Variants in CECR2 observed in about 807,000 individuals in gnomAD.
The protein encoded by CECR2 is chromatin remodeling regulator CECR2.
CECR2 carries 30 observed loss-of-function variants against 154.5 expected under a neutral mutation model. That is an observed-to-expected ratio of 0.19 (90% CI 0.15 to 0.26). CECR2 has a LOEUF of 0.26. Among genes scored for constraint, CECR2 ranks in the 10% least tolerant of loss-of-function variants. CECR2 has a pLI of 1.00. For synonymous variants in CECR2, 725 were observed against 683.7 expected, an observed-to-expected ratio of 1.06 and a Z score of -0.94; for missense variants, 1,743 against 1,829.3, an observed-to-expected ratio of 0.95 and a Z score of 0.86.
intron 2 of CECR2, among the ~76,000 whole-genome samples, chr22:17,485,538 G>GTGA: frequency 6.6e-6 from 1 of 152,184 alleles, no homozygotes; most frequent in Non-Finnish European, 1.5e-5. Context: ...GGAGGCCGAG[G>GTGA]CAGGCCGCTC....
chr22:17,553,071 G>A lies in CECR2; in HGVS notation c.*231G>A, dbSNP rs1035069843. 31 of 953,560 alleles carry A rather than the reference G, an allele frequency of 3.3e-5. No individual in the cohort carries two copies. In the East Asian group the frequency reaches 8.0e-4, roughly 25 times the overall value. The allele number at this position is 953,560 out of a possible 1,614,324, so 59.1% of individuals were successfully genotyped here. On this transcript the variant is annotated 3_prime_UTR_variant, in exon 19 of 19. Transcript: ENST00000262608. ...TCGGCCAGGGATCTCTTGCACAGCT[G>A]ATGTAGACAGTCAGGCAAAACTAAT...
intron 10 of CECR2, 60 bp from the exon 11 acceptor site, chr22:17,538,460 G>A (rs1306829396): frequency 1.4e-6 from 2 of 1,474,720 alleles, no homozygotes; most frequent in Non-Finnish European, 1.9e-6. Context: ...ATAGACCTGA[G>A]AGAGCTCAGG....
chr22:17,361,316 A>G (rs1458902169), intron 1 of CECR2, among the ~76,000 whole-genome samples: 2 of 152,278 alleles, frequency 1.3e-5, no homozygotes, highest in South Asian at 4.1e-4. Context: ...GCAAAACCCC[A>G]TCTCTGCTAA....
In CECR2 at chr22:17,526,862, T is replaced by C. The variant is rs116761222; in HGVS notation, c.1108+2591T>C. On this transcript the variant is annotated intron_variant, in intron 9 of 18. Coordinates refer to ENST00000262608, the MANE Select transcript of CECR2 (RefSeq NM_001290047.2). Reference sequence around the variant, plus strand: ...TATCTAAGACCTCAAATTATGAAACTCTACAAGAAAAAACGTTGGAGAAAC... The same window carrying C: ...TATCTAAGACCTCAAATTATGAAACCCTACAAGAAAAAACGTTGGAGAAAC... Among the ~76,000 whole-genome samples the C allele has an allele frequency of 2.5e-3, 347 of 138,734 alleles. 1 individual carries two copies. The highest frequency in any genetic ancestry group is 8.0e-3 in the African/African-American group (305 of 37,910). 91.0% of individuals were successfully genotyped at this position (138,734 alleles called of 152,430 possible).
intron 1 of CECR2, among the ~76,000 whole-genome samples, chr22:17,452,673 A>T (rs1601383415): frequency 6.6e-6 from 1 of 152,270 alleles, no homozygotes; most frequent in East Asian, 1.9e-4. Flanking sequence ...TGATATCTGT[A>T]TTCGGGTTTT....
chr22:17,382,423 C>T (rs1179397587), intron 1 of CECR2, among the ~76,000 whole-genome samples: 1 of 152,148 alleles, frequency 6.6e-6, no homozygotes, highest in Non-Finnish European at 1.5e-5. Context: ...GTTTTAGCTA[C>T]AGGCACACCT....
At chr22:17,526,808 CAA>C (rs34800488) in intron 9 of CECR2, among the ~76,000 whole-genome samples, 13,085 of 70,800 alleles carry the variant, frequency 0.18, 547 homozygotes, top group Non-Finnish European at 0.24. Flanking sequence ...GACTCCATCT[CAA>C]AAAAAAAAAA....
intron 1 of CECR2, among the ~76,000 whole-genome samples, chr22:17,372,412 T>C (rs967829991): frequency 2.6e-5 from 4 of 152,204 alleles, no homozygotes; most frequent in African/African-American, 9.6e-5. Flanking sequence ...ACCCCTGTAA[T>C]CCCAGCACTT....
At position 17,538,647 on chromosome 22, in the gene CECR2, C is replaced by T. The variant is rs374304753; in HGVS notation, c.1284C>T (p.Asp428=). 43 of 1,613,820 alleles carry T rather than the reference C, an allele frequency of 2.7e-5. No individual in the cohort carries two copies. The highest frequency in any genetic ancestry group is 1.7e-4 in the African/African-American group (13 of 74,940). The change falls in exon 12 of 19, where the codon GAC becomes GAT. Residue 428 remains aspartate (D), a synonymous_variant. Transcript: ENST00000262608. ...CTCTTCTCTGGCTTTCAGTTCTAGA[C>T]GTGGTAAAGGCTCACAAGGATTCCT... ...DDFTAMYKVL[D]VVKAHKDSWP...
In CECR2 at chr22:17,500,526, A is replaced by G. The variant is rs2055718273; in HGVS notation, c.546-105A>G. The G allele has an allele frequency of 4.9e-6, 4 of 822,782 alleles. No homozygotes were observed. In the South Asian group the frequency reaches 5.9e-5, roughly 12 times the overall value. 51.0% of individuals were successfully genotyped at this position (822,782 alleles called of 1,614,324 possible). A position where few individuals can be genotyped will look rare whatever the true frequency, so the allele number is the denominator to read the frequency against. On this transcript the variant is annotated intron_variant, in intron 4 of 18. Coordinates refer to ENST00000262608, the MANE Select transcript of CECR2 (RefSeq NM_001290047.2). ...TGTTCCCTTTTCCTTTCACTGCTAC[A>G]TTTAATCCTTTTTGGTAATCTCATG...
At chr22:17,465,089 T>C (rs919764328) in intron 1 of CECR2, among the ~76,000 whole-genome samples, 31 of 150,550 alleles carry the variant, frequency 2.1e-4, no homozygotes, top group Admixed American at 1.8e-3. Flanking sequence ...CCCCGCCTCC[T>C]GGGTTCACGC....
At chr22:17,399,207 G>C (rs1398018170) in intron 1 of CECR2, among the ~76,000 whole-genome samples, 1 of 152,154 alleles carries the variant, frequency 6.6e-6, no homozygotes. Context: ...GACGCCAGAT[G>C]CCCATCCTGG....
chr22:17,517,610 C>T (rs2056081788), intron 8 of CECR2, among the ~76,000 whole-genome samples: 1 of 152,114 alleles, frequency 6.6e-6, no homozygotes, highest in Non-Finnish European at 1.5e-5. Context: ...TTCTAATGGC[C>T]GGTTAAATAC....
rs142394108 is a variant in CECR2, at chr22:17,447,178, G to T, written c.127-30410G>T. On this transcript the variant is annotated intron_variant, in intron 1 of 18. Transcript: ENST00000262608. Reference sequence around the variant, plus strand: ...GCCTCCCGAGTAGCTGGGACTACAGGTGCTGGCCACCATGCCCGGCTAATT... The same window carrying T: ...GCCTCCCGAGTAGCTGGGACTACAGTTGCTGGCCACCATGCCCGGCTAATT... Among the ~76,000 whole-genome samples, 757 of 151,660 alleles carry T rather than the reference G, an allele frequency of 5.0e-3. 6 individuals carry two copies. Among genetic ancestry groups the T allele is most frequent in the African/African-American group, 0.018 (724 of 41,274 alleles).
intron 1 of CECR2, chr22:17,419,601 T>C (rs2054213902): frequency 3.2e-6 from 1 of 311,888 alleles, no homozygotes; most frequent in Non-Finnish European, 6.3e-6. Flanking sequence ...GTTTCTCCAC[T>C]GGAGGTGGGA....
chr22:17,538,999 A>G lies in CECR2; in HGVS notation c.1375A>G (p.Met459Val), dbSNP rs781006457. ...PNYYQIIKAP[M>V]DISSMEKKLN... ...AGTTATGTGTCTCGTTTAGGCCCCC[A>G]TGGATATTTCCAGCATGGAGAAGAA... The change falls in exon 13 of 19, where the codon ATG (methionine) becomes GTG (valine). Residue 459 changes from methionine (M) to valine (V), a missense_variant. Physicochemically the swap from Met to Val is conservative, Grantham distance 21. This residue lies in a region of CECR2 where 103 missense variants were observed against 166.8 expected (regional missense o/e 0.62). Transcript: ENST00000262608. 4 of 1,613,476 alleles carry G rather than the reference A, an allele frequency of 2.5e-6. No homozygotes were observed. The highest frequency in any genetic ancestry group is 3.4e-6 in the Non-Finnish European group (4 of 1,179,694).
intron 7 of CECR2, among the ~76,000 whole-genome samples, chr22:17,506,428 C>T (rs2055846473): frequency 1.3e-5 from 2 of 152,122 alleles, no homozygotes; most frequent in Non-Finnish European, 2.9e-5. Flanking sequence ...CACCTGGCCC[C>T]CTCTCTACTT....
chr22:17,441,758 A>C (rs5746382), intron 1 of CECR2, among the ~76,000 whole-genome samples: 45,238 of 152,140 alleles, frequency 0.3, 9,766 homozygotes, highest in African/African-American at 0.58. Context: ...TTACATGGAA[A>C]CAAGATTAAG....
intron 8 of CECR2, among the ~76,000 whole-genome samples, chr22:17,522,049 A>G (rs1035664096): frequency 6.6e-6 from 1 of 152,172 alleles, no homozygotes; most frequent in African/African-American, 2.4e-5. Flanking sequence ...TTTGTCAAAG[A>G]TCATATGGTT....
Sources: gnomAD v4.1 joint callset for allele counts (sites outside exome capture counted in the v4.1 genomes callset) on GRCh38, gnomAD v4.1.1 for gene constraint, gnomAD v4.1.1 regional missense constraint, MANE v1.5 for transcripts, NCBI Gene and HGNC (gene_info 2026-07-23, HGNC 2026-07-21) for gene names.